CDH13: variants seen among roughly 807,000 people sequenced by gnomAD.
CDH13 encodes the protein cadherin 13, also known as cadherin-13.
A neutral mutation model predicts 63.8 loss-of-function variants in CDH13; 24 were observed. That is an observed-to-expected ratio of 0.38 (90% confidence interval 0.27 to 0.53). The LOEUF (loss-of-function observed/expected upper bound fraction) is 0.53. CDH13 is among the 20% of genes least tolerant of loss of function. CDH13 has a pLI of 0.85. For missense variants in CDH13, 1,049 were observed against 903.1 expected (o/e 1.16, Z -2.07); for synonymous variants, 503 against 355.3 (o/e 1.42, Z -4.67).
chr16:83,769,070 A>C (rs544703196), intron 11 of CDH13, among the ~76,000 whole-genome samples: 1 of 152,218 alleles, frequency 6.6e-6, no homozygotes, highest in African/African-American at 2.4e-5. Flanking sequence ...CATTTCCCCA[A>C]GGAAGTTGAG....
intron 5 of CDH13, among the ~76,000 whole-genome samples, chr16:83,306,997 G>A (rs1041937721): frequency 1.3e-5 from 2 of 152,178 alleles, no homozygotes; most frequent in African/African-American, 2.4e-5. Context: ...GCATACATGA[G>A]AATAGTGGAA....
intron 1 of CDH13, among the ~76,000 whole-genome samples, chr16:82,811,445 A>G (rs915130871): frequency 8.5e-5 from 13 of 152,184 alleles, no homozygotes; most frequent in African/African-American, 3.1e-4. Context: ...ATTTCCCACA[A>G]TTGAAATGTG....
chr16:82,770,647 A>G (rs970895117), intron 1 of CDH13, among the ~76,000 whole-genome samples: 1 of 152,194 alleles, frequency 6.6e-6, no homozygotes, highest in Admixed American at 6.5e-5. Flanking sequence ...TTACTGCATA[A>G]TATTCTTCCA....
intron 10 of CDH13, among the ~76,000 whole-genome samples, chr16:83,745,508 G>T (rs1912493981): frequency 6.6e-6 from 1 of 152,202 alleles, no homozygotes; most frequent in African/African-American, 2.4e-5. Flanking sequence ...ACTCGGAGGG[G>T]CTCTGGATGG....
chr16:83,402,632 T>A (rs138640487), intron 6 of CDH13, among the ~76,000 whole-genome samples: 26 of 152,364 alleles, frequency 1.7e-4, no homozygotes, highest in African/African-American at 6.0e-4. Flanking sequence ...TTCTCATTGA[T>A]AAATCGTTGA....
rs529945576 is a variant in CDH13, at chr16:83,410,624, C to T, written c.781+65618C>T. On this transcript the variant is annotated intron_variant, in intron 6 of 13. Transcript: ENST00000567109. Reference sequence around the variant, plus strand: ...TGCTATCATAGGATATTTTTCCTTCCTTCTTTTATGTCTTTTTGGGTCATT... The same window carrying T: ...TGCTATCATAGGATATTTTTCCTTCTTTCTTTTATGTCTTTTTGGGTCATT... Among the ~76,000 whole-genome samples the T allele has an allele frequency of 3.3e-5, 5 of 152,164 alleles. No homozygotes were observed. In the South Asian group the frequency reaches 1.0e-3, roughly 32 times the overall value.
rs1312333052 is a variant in CDH13 at position 83,068,769 on chromosome 16, C to T, written c.366+36551C>T. Among the ~76,000 whole-genome samples, 2 of 152,212 alleles carry T rather than the reference C, an allele frequency of 1.3e-5. 1 individual carries two copies. The highest frequency in any genetic ancestry group is 3.8e-4 in the East Asian group (2 of 5,200). ...ATCTTTGAGCTTCAGTATTTTAAGT[C>T]TGCAAGTTCATGGAGTGCAAGGGCT... On this transcript the variant is annotated intron_variant, in intron 3 of 13. Transcript: ENST00000567109.
At chr16:82,886,933 A>C (rs142626319) in intron 2 of CDH13, among the ~76,000 whole-genome samples, 3 of 152,150 alleles carry the variant, frequency 2.0e-5, no homozygotes, top group Non-Finnish European at 2.9e-5. Context: ...GTAGTGGATA[A>C]CTACTCCATT....
At chr16:82,835,697 T>C (rs11150496) in intron 1 of CDH13, among the ~76,000 whole-genome samples, 98,596 of 151,970 alleles carry the variant, frequency 0.65, 32,585 homozygotes, top group East Asian at 0.87. Context: ...TCCTGTTCTC[T>C]AGATAGAAGT....
chr16:83,349,951 C>T (rs947379841), intron 6 of CDH13, among the ~76,000 whole-genome samples: 1 of 152,084 alleles, frequency 6.6e-6, no homozygotes, highest in Non-Finnish European at 1.5e-5. Context: ...GCAGCTTTAT[C>T]CTTTTTGGGG....
intron 10 of CDH13, among the ~76,000 whole-genome samples, chr16:83,713,647 G>T (rs1349049414): frequency 4.6e-5 from 7 of 152,256 alleles, no homozygotes; most frequent in African/African-American, 1.7e-4. Flanking sequence ...AACCAGAATG[G>T]GGGTGGGGAA....
intron 3 of CDH13, among the ~76,000 whole-genome samples, chr16:83,052,508 G>C (rs528122568): frequency 1.3e-5 from 2 of 152,242 alleles, no homozygotes; most frequent in South Asian, 4.1e-4. Flanking sequence ...TGGCTGTTGT[G>C]GTGGCTCACG....
intron 2 of CDH13, among the ~76,000 whole-genome samples, chr16:83,018,727 C>T (rs778655437): frequency 1.3e-5 from 2 of 152,222 alleles, no homozygotes; most frequent in African/African-American, 4.8e-5. Flanking sequence ...TAGCCTATTA[C>T]ACACCTAGGT....
chr16:83,294,915 A>G (rs1190980462), intron 5 of CDH13, among the ~76,000 whole-genome samples: 1 of 152,176 alleles, frequency 6.6e-6, no homozygotes, highest in African/African-American at 2.4e-5. Context: ...AAGACCATGG[A>G]TAGCCAAAGT....
intron 1 of CDH13, among the ~76,000 whole-genome samples, chr16:82,791,917 T>TGCCATCTTGGGAGCGGCCCGC (rs1597595949): frequency 6.6e-6 from 1 of 152,182 alleles, no homozygotes; most frequent in East Asian, 1.9e-4. Context: ...AAAGGCTTGC[T>TGCCATCTTGGGAGCGGCCCGC]GCCATCTTGG....
chr16:83,513,275 C>T (rs997654318), intron 7 of CDH13, among the ~76,000 whole-genome samples: 4 of 152,156 alleles, frequency 2.6e-5, no homozygotes, highest in Admixed American at 6.5e-5. Flanking sequence ...GACTCAGCCC[C>T]TGACCACAGA....
At chr16:82,910,024 C>G (rs12923201) in intron 2 of CDH13, among the ~76,000 whole-genome samples, 17,612 of 152,166 alleles carry the variant, frequency 0.12, 2,880 homozygotes, top group East Asian at 0.73. Context: ...CTGAAATGTA[C>G]TTGGAAGTAG....
intron 13 of CDH13, among the ~76,000 whole-genome samples, chr16:83,786,924 A>T (rs1185983324): frequency 6.6e-6 from 1 of 152,172 alleles, no homozygotes; most frequent in African/African-American, 2.4e-5. Context: ...AAAATATTAC[A>T]GGCAAAGGTA....
rs9929038 is a variant in CDH13 at position 83,388,264 on chromosome 16, T to C, written c.781+43258T>C. Reference sequence around the variant, plus strand: ...GAGTTGGAGACCAGCCTGGGCAACATGGAATAACCCTCTCTCTGGAAAAAA... The same window carrying C: ...GAGTTGGAGACCAGCCTGGGCAACACGGAATAACCCTCTCTCTGGAAAAAA... On this transcript the variant is annotated intron_variant, in intron 6 of 13. Transcript: ENST00000567109. Among the ~76,000 whole-genome samples, 105 of 143,722 alleles carry C rather than the reference T, an allele frequency of 7.3e-4. 1 individual carries two copies. Among genetic ancestry groups the C allele is most frequent in the African/African-American group, 2.7e-3 (103 of 38,212 alleles). The allele number at this position is 143,722 out of a possible 152,430, so 94.3% of individuals were successfully genotyped here.
Sources: allele counts gnomAD v4.1 joint callset (sites outside exome capture counted in the v4.1 genomes callset), GRCh38; gene constraint gnomAD v4.1.1; transcripts MANE v1.5; gene names NCBI Gene and HGNC (gene_info 2026-07-23, HGNC 2026-07-21).